Variants in CHD6 observed in about 807,000 individuals in gnomAD.
CHD6 encodes the protein ATP-dependent chromatin remodeler CHD6.
In CHD6, 50 loss-of-function variants were observed where a neutral mutation model predicts 276.9. That is an observed-to-expected ratio of 0.18 (90% CI 0.14 to 0.23). The LOEUF (loss-of-function observed/expected upper bound fraction) is 0.23, where lower values mean the gene tolerates loss of function less well. Among genes scored for constraint, CHD6 ranks in the 10% least tolerant of loss-of-function variants. The pLI is 1.00. For synonymous variants in CHD6, 1,173 were observed against 1,229.3 expected, an observed-to-expected ratio of 0.95 and a Z score of 0.96; for missense variants, 2,564 against 3,365.8, an observed-to-expected ratio of 0.76 and a Z score of 5.89.
At chr20:41,434,502 C>A (rs6016558) in intron 27 of CHD6, among the ~76,000 whole-genome samples, 33,822 of 151,952 alleles carry the variant, frequency 0.22, 3,996 homozygotes, top group East Asian at 0.39. Context: ...TCCTGAGTAG[C>A]TGGGATTACA....
At chr20:41,478,433 A>C (rs1380490004) in intron 16 of CHD6, among the ~76,000 whole-genome samples, 1 of 152,206 alleles carries the variant, frequency 6.6e-6, no homozygotes, top group Non-Finnish European at 1.5e-5. Flanking sequence ...TTGGAGAAGA[A>C]TAGAAATTTG....
At chr20:41,433,010 C>T (rs2047592797) in intron 27 of CHD6, among the ~76,000 whole-genome samples, 1 of 150,022 alleles carries the variant, frequency 6.7e-6, no homozygotes, top group African/African-American at 2.5e-5. Context: ...GACTCAACAG[C>T]AGAATGGTGG....
intron 1 of CHD6, among the ~76,000 whole-genome samples, chr20:41,578,371 G>A (rs1278284122): frequency 6.6e-6 from 1 of 152,140 alleles, no homozygotes; most frequent in Admixed American, 6.5e-5. Flanking sequence ...ATGGTGTATA[G>A]CGAATAAATG....
At chr20:41,439,269 T>C (rs1238413195) in intron 26 of CHD6, among the ~76,000 whole-genome samples, 1 of 151,932 alleles carries the variant, frequency 6.6e-6, no homozygotes, top group Non-Finnish European at 1.5e-5. Context: ...GGCAGAAGAA[T>C]TGCTTGAACC....
intron 1 of CHD6, among the ~76,000 whole-genome samples, chr20:41,590,676 G>A (rs1263778753): frequency 5.3e-5 from 8 of 152,184 alleles, no homozygotes; most frequent in Non-Finnish European, 5.9e-5. Flanking sequence ...TCTCACACCA[G>A]TTAGAATGGC....
At chr20:41,422,872 G>A (rs1038654841) in intron 30 of CHD6, among the ~76,000 whole-genome samples, 1 of 152,160 alleles carries the variant, frequency 6.6e-6, no homozygotes. Flanking sequence ...TGTCTTGTGC[G>A]TGCTGCCATC....
At chr20:41,435,603 CAAAA>C (rs34895530) in intron 27 of CHD6, among the ~76,000 whole-genome samples, 65 of 110,170 alleles carry the variant, frequency 5.9e-4, no homozygotes, top group East Asian at 7.4e-4. Context: ...GACCCTGAGT[CAAAA>C]AAAAAAAAAA....
chr20:41,548,554 T>C (rs555877091), intron 2 of CHD6, among the ~76,000 whole-genome samples: 54 of 152,298 alleles, frequency 3.5e-4, no homozygotes, highest in Middle Eastern at 3.4e-3. Flanking sequence ...GAAGAAAACC[T>C]AGGCAATACC....
intron 12 of CHD6, 75 bp from the exon 13 acceptor site, chr20:41,488,679 G>A: frequency 7.6e-7 from 1 of 1,322,232 alleles, no homozygotes; most frequent in Non-Finnish European, 1.0e-6. Context: ...TGGACTACAG[G>A]AGGCAGCACT....
intron 17 of CHD6, among the ~76,000 whole-genome samples, chr20:41,463,420 A>G (rs1049194859): frequency 7.2e-5 from 11 of 152,226 alleles, no homozygotes; most frequent in African/African-American, 2.4e-4. Context: ...TTTCAAAGGG[A>G]AAAACAGAAA....
intron 2 of CHD6, among the ~76,000 whole-genome samples, chr20:41,535,601 G>A (rs2044812198): frequency 6.6e-6 from 1 of 152,192 alleles, no homozygotes; most frequent in South Asian, 2.1e-4. Context: ...GTTCACACCT[G>A]TAATACCAGC....
intron 27 of CHD6, among the ~76,000 whole-genome samples, chr20:41,433,575 G>C (rs1359478253): frequency 1.3e-5 from 2 of 152,078 alleles, no homozygotes; most frequent in African/African-American, 4.8e-5. Context: ...AGAACCGTCT[G>C]ACAGTTCTCT....
At position 41,457,291 on chromosome 20, in the gene CHD6, G is replaced by A. The variant is rs1168965875; in HGVS notation, c.2802C>T (p.Asp934=). ...CATTGGTGCCGCCCTTTCGGTTGAT[G>A]TCCTGAAGAACAGCCTTGTCCAGCC... ...KLGLDKAVLQ[D]INRKGGTNGV... Residue 934 remains aspartate, a synonymous_variant, in exon 18 of 37, where the codon GAC becomes GAT. Coordinates refer to ENST00000373233, the MANE Select transcript of CHD6 (RefSeq NM_032221.5). 1 of 1,614,044 alleles carries A rather than the reference G, an allele frequency of 6.2e-7. No individual in the cohort carries two copies. The highest frequency in any genetic ancestry group is 1.1e-5 in the South Asian group (1 of 91,076).
intron 17 of CHD6, among the ~76,000 whole-genome samples, chr20:41,466,740 A>G (rs1453064261): frequency 6.6e-6 from 1 of 152,222 alleles, no homozygotes; most frequent in Non-Finnish European, 1.5e-5. Flanking sequence ...GGAGCCCTGC[A>G]GACACTGCTA....
intron 5 of CHD6, among the ~76,000 whole-genome samples, chr20:41,511,696 T>C (rs989516954): frequency 6.6e-6 from 1 of 152,132 alleles, no homozygotes; most frequent in Non-Finnish European, 1.5e-5. Context: ...TACCCCAGCA[T>C]CCAGCCAAGA....
intron 1 of CHD6, among the ~76,000 whole-genome samples, chr20:41,599,955 T>A (rs1487927776): frequency 2.6e-5 from 4 of 152,194 alleles, no homozygotes; most frequent in Non-Finnish European, 5.9e-5. Context: ...ACAGGAACTA[T>A]ATAGGGATTT....
chr20:41,531,343 T>C (rs1201959365), intron 3 of CHD6, among the ~76,000 whole-genome samples: 1 of 152,154 alleles, frequency 6.6e-6, no homozygotes, highest in Non-Finnish European at 1.5e-5. Context: ...TTCTCTGTAA[T>C]AATAATAAAA....
At chr20:41,482,785 C>G (rs951820023) in intron 16 of CHD6, among the ~76,000 whole-genome samples, 1 of 152,106 alleles carries the variant, frequency 6.6e-6, no homozygotes, top group African/African-American at 2.4e-5. Context: ...TCAAGGAATT[C>G]TAAGAGTATG....
intron 8 of CHD6, 97 bp downstream of exon 8, chr20:41,497,287 T>C (rs2043711019): frequency 3.7e-6 from 3 of 814,538 alleles, no homozygotes; most frequent in African/African-American, 3.4e-5. Flanking sequence ...GAGCAACAGA[T>C]CTGTATAGGA....
Sources: gnomAD v4.1 joint callset for allele counts (sites outside exome capture counted in the v4.1 genomes callset) on GRCh38, gnomAD v4.1.1 for gene constraint, MANE v1.5 for transcripts, NCBI Gene and HGNC (gene_info 2026-07-23, HGNC 2026-07-21) for gene names.